AHRR: variants seen among roughly 807,000 people sequenced by gnomAD.
The protein encoded by AHRR is aryl hydrocarbon receptor repressor.
In AHRR, 28 loss-of-function variants were observed where a neutral mutation model predicts 44.0. The observed-to-expected ratio is 0.64, with a 90% CI of 0.47 to 0.87. AHRR has a LOEUF of 0.87. AHRR is among the 40% of genes least tolerant of loss of function. The pLI is 0.00. For synonymous variants in AHRR, 434 were observed against 407.0 expected (o/e 1.07, Z -0.80); for missense variants, 990 against 953.9 (o/e 1.04, Z -0.50).
intron 1 of AHRR, among the ~76,000 whole-genome samples, chr5:330,603 G>A (rs576384452): frequency 6.6e-6 from 1 of 152,058 alleles, no homozygotes; most frequent in South Asian, 2.1e-4. Context: ...CAAATTCCTG[G>A]CCTCAAGTGA....
rs558507074 is a variant in AHRR at position 381,750 on chromosome 5, G to A, written c.351+5034G>A. Among the ~76,000 whole-genome samples the A allele has an allele frequency of 6.6e-4, 101 of 151,928 alleles. 1 individual carries two copies. Among genetic ancestry groups the A allele is most frequent in the African/African-American group, 2.1e-3 (89 of 41,460 alleles). ...AGGCTGGTCTCGAACTCCTGACCTC[G>A]TGATCCACCTGCCTTGGCCTCCCAA... On this transcript the variant is annotated intron_variant, in intron 4 of 10. Transcript: ENST00000684583.
chr5:368,685 C>G (rs1216495139), intron 3 of AHRR, among the ~76,000 whole-genome samples: 1 of 152,222 alleles, frequency 6.6e-6, no homozygotes, highest in East Asian at 1.9e-4. Flanking sequence ...CTCTGCAGGA[C>G]GAGCGTGTGA....
chr5:388,203 C>G lies in AHRR; in HGVS notation c.351+11487C>G, dbSNP rs776462318. ...CACTGTGCTTACCTCACAGCTCTAT[C>G]GTACCAGACAGGGGAAAGCTCAGGT... On this transcript the variant is annotated intron_variant, in intron 4 of 10. Transcript: ENST00000684583. The surrounding 1 kb of genome is among the most constrained non-coding windows in gnomAD (Gnocchi z 5.2). 6.6e-6 allele frequency among the ~76,000 whole-genome samples: 1 copy of G among 152,186 alleles called. No individual in the cohort carries two copies. Among genetic ancestry groups the G allele is most frequent in the African/African-American group, 2.4e-5 (1 of 41,432 alleles).
intron 4 of AHRR, among the ~76,000 whole-genome samples, chr5:379,683 C>T (rs1028310436): frequency 6.6e-6 from 1 of 152,290 alleles, no homozygotes; most frequent in South Asian, 2.1e-4. Flanking sequence ...AAAACCAGCT[C>T]ATTTGCTTGT....
chr5:427,712 T>A, intron 7 of AHRR, 95 bp from the exon 8 acceptor site: 1 of 1,612,996 alleles, frequency 6.2e-7, no homozygotes. Flanking sequence ...CCCTACGAAT[T>A]CCAGCCGCTG....
intron 1 of AHRR, among the ~76,000 whole-genome samples, chr5:325,646 C>T (rs1741681533): frequency 6.6e-6 from 1 of 152,198 alleles, no homozygotes; most frequent in African/African-American, 2.4e-5. Flanking sequence ...GCACCACCTC[C>T]ACCCACCCAC....
At chr5:341,403 T>C (rs1050714158) in intron 1 of AHRR, among the ~76,000 whole-genome samples, 1 of 152,246 alleles carries the variant, frequency 6.6e-6, no homozygotes, top group African/African-American at 2.4e-5. Flanking sequence ...GTGTCTTCTC[T>C]GTTTCTTGAT....
chr5:389,902 G>T (rs1311197095), intron 4 of AHRR, among the ~76,000 whole-genome samples: 1 of 122,276 alleles, frequency 8.2e-6, no homozygotes, highest in Non-Finnish European at 1.7e-5. Context: ...AGGAAAGGGT[G>T]GGGGGAGGGG....
rs1358277445 is a variant in AHRR at position 338,614 on chromosome 5, G to T, written c.-10-5279G>T. Among the ~76,000 whole-genome samples, 1 of 152,094 alleles carries T rather than the reference G, an allele frequency of 6.6e-6. No homozygotes were observed. Among genetic ancestry groups the T allele is most frequent in the East Asian group, 1.9e-4 (1 of 5,198 alleles). On this transcript the variant is annotated intron_variant, in intron 1 of 10. Coordinates refer to ENST00000684583, the MANE Select transcript of AHRR (RefSeq NM_001377236.1). This position sits in a 1 kb window ranked among gnomAD's most constrained non-coding sequence, Gnocchi z 4.1. The stretch of plus-strand genomic sequence containing the variant: ...CCCAGCACTCTTGGAGGCCAAGGTG[G>T]GTGAATTGCTTGAACCCAGGAGTTC...
intron 2 of AHRR, among the ~76,000 whole-genome samples, chr5:349,057 G>C (rs1742771541): frequency 6.6e-6 from 1 of 152,192 alleles, no homozygotes; most frequent in African/African-American, 2.4e-5. Context: ...CATTTCCCTA[G>C]TGACTAATGG....
intron 1 of AHRR, chr5:322,674 A>C (rs911819743): frequency 6.6e-6 from 1 of 152,242 alleles, no homozygotes; most frequent in African/African-American, 2.4e-5. Flanking sequence ...TAGGTCGCTC[A>C]TCCAGCCTCT....
Position 395,673 on chromosome 5 carries a change from A to G in AHRR, c.352-17671A>G, listed in dbSNP as rs190176529. Among the ~76,000 whole-genome samples, 443 of 152,330 alleles carry G rather than the reference A, an allele frequency of 2.9e-3. 4 individuals carry two copies. The Middle Eastern group carries it at 0.037, about 13-fold the overall frequency. On this transcript the variant is annotated intron_variant, in intron 4 of 10. Transcript: ENST00000684583. This position sits in a 1 kb window ranked among gnomAD's most constrained non-coding sequence, Gnocchi z 5.3. Reference sequence around the variant, plus strand: ...GCTGCTGCTCTGGTGTGGTTTCTGGAAAATTCCTGAGAAGTCCCCAGGAAC... The same window carrying G: ...GCTGCTGCTCTGGTGTGGTTTCTGGGAAATTCCTGAGAAGTCCCCAGGAAC...
At chr5:425,323 T>C (rs542319644) in intron 7 of AHRR, among the ~76,000 whole-genome samples, 1 of 152,292 alleles carries the variant, frequency 6.6e-6, no homozygotes, top group East Asian at 1.9e-4. Context: ...TTTTATTTAT[T>C]TATTTATTTA....
intron 4 of AHRR, among the ~76,000 whole-genome samples, chr5:390,202 T>C (rs974989037): frequency 1.2e-4 from 19 of 152,096 alleles, no homozygotes; most frequent in African/African-American, 4.3e-4. Context: ...AGAGTGTGAT[T>C]GGATTGCTTG....
At position 405,946 on chromosome 5, in the gene AHRR, A is replaced by G. The variant is rs1385685280; in HGVS notation, c.352-7398A>G. 1.3e-5 allele frequency among the ~76,000 whole-genome samples: 2 copies of G among 152,168 alleles called. No individual in the cohort carries two copies. Among genetic ancestry groups the G allele is most frequent in the African/African-American group, 4.8e-5 (2 of 41,448 alleles). On this transcript the variant is annotated intron_variant, in intron 4 of 10. Coordinates refer to ENST00000684583, the MANE Select transcript of AHRR (RefSeq NM_001377236.1). This position sits in a 1 kb window ranked among gnomAD's most constrained non-coding sequence, Gnocchi z 4.5. ...GGTGTGGCAGCGTCCAGGGAAGAAC[A>G]CGCAGCCTCTGGTTTGAACTGGACC... is the stretch of plus-strand genomic sequence containing the variant.
intron 5 of AHRR, among the ~76,000 whole-genome samples, chr5:417,900 C>G (rs1438863331): frequency 6.6e-6 from 1 of 152,188 alleles, no homozygotes; most frequent in Non-Finnish European, 1.5e-5. Flanking sequence ...ACCAATTATT[C>G]CCAGTCACAG....
chr5:414,757 T>A (rs1262626889), intron 5 of AHRR, among the ~76,000 whole-genome samples: 1 of 152,164 alleles, frequency 6.6e-6, no homozygotes, highest in Non-Finnish European at 1.5e-5. Context: ...TTGAGAAAGA[T>A]CAAAACAAAA....
intron 1 of AHRR, among the ~76,000 whole-genome samples, chr5:340,690 T>TATATATATATATATATA (rs1560881649): frequency 3.8e-4 from 6 of 15,636 alleles, no homozygotes; most frequent in African/African-American, 1.6e-3. Flanking sequence ...ATATATATAT[T>TATATATATATATATATA]TTTTTTTTTT....
intron 1 of AHRR, among the ~76,000 whole-genome samples, chr5:328,285 T>TTTTCA (rs1553975888): frequency 8.7e-6 from 1 of 115,008 alleles, no homozygotes; most frequent in Non-Finnish European, 1.8e-5. Context: ...TTTTTTTTTT[T>TTTTCA]GAGACAGAGT....
Sources: allele counts gnomAD v4.1 joint callset (sites outside exome capture counted in the v4.1 genomes callset), GRCh38; gene constraint gnomAD v4.1.1; non-coding constraint Gnocchi (gnomAD v3.1); transcripts MANE v1.5; gene names NCBI Gene and HGNC (gene_info 2026-07-23, HGNC 2026-07-21).